The following CDK14 variants were observed in gnomAD, a reference collection of about 807,000 sequenced individuals.
The protein encoded by CDK14 is cyclin dependent kinase 14.
CDK14 carries 34 observed loss-of-function variants against 60.7 expected under a neutral mutation model. The observed-to-expected ratio is 0.56, with a 90% CI of 0.43 to 0.75. The LOEUF (loss-of-function observed/expected upper bound fraction) is 0.75, where lower values mean the gene tolerates loss of function less well. Among genes scored for constraint, CDK14 ranks in the 30% least tolerant of loss-of-function variants. CDK14 has a pLI of 0.00. For synonymous variants in CDK14, 197 were observed against 203.7 expected (o/e 0.97, Z 0.28); for missense variants, 482 against 564.1 (o/e 0.85, Z 1.47).
intron 10 of CDK14, among the ~76,000 whole-genome samples, chr7:90,992,472 A>G (rs802409): frequency 0.45 from 68,786 of 152,058 alleles, 16,203 homozygotes; most frequent in East Asian, 0.71. Context: ...AGTACACAAA[A>G]TAACATTCCT....
intron 2 of CDK14, among the ~76,000 whole-genome samples, chr7:90,706,122 T>C (rs1801890096): frequency 6.6e-6 from 1 of 152,210 alleles, no homozygotes; most frequent in Admixed American, 6.5e-5. Flanking sequence ...TCTTTGAAGC[T>C]ATAATTTTTA....
chr7:90,961,663 G>A (rs1425290871), intron 9 of CDK14, among the ~76,000 whole-genome samples: 2 of 152,204 alleles, frequency 1.3e-5, no homozygotes, highest in Admixed American at 6.5e-5. Flanking sequence ...CTTGAGAACT[G>A]CTCAAATAAT....
intron 2 of CDK14, among the ~76,000 whole-genome samples, chr7:90,649,349 C>T (rs1203979821): frequency 1.7e-4 from 8 of 47,100 alleles, no homozygotes; most frequent in Non-Finnish European, 2.1e-4. Context: ...TCCTTCCTTC[C>T]TTCCTTCCTT....
chr7:90,722,414 C>T (rs1281336958), intron 2 of CDK14, among the ~76,000 whole-genome samples: 1 of 152,040 alleles, frequency 6.6e-6, no homozygotes, highest in East Asian at 1.9e-4. Flanking sequence ...CCACGTTGCC[C>T]AGGTTGGTCT....
At chr7:91,175,405 G>A (rs1375654602) in intron 14 of CDK14, among the ~76,000 whole-genome samples, 1 of 151,380 alleles carries the variant, frequency 6.6e-6, no homozygotes, top group Non-Finnish European at 1.5e-5. Flanking sequence ...ATCAACTAAC[G>A]AGCAAAATAA....
rs374834778 is a variant in CDK14 at position 90,712,727 on chromosome 7, A to G, written c.124-13840A>G. Among the ~76,000 whole-genome samples the G allele has an allele frequency of 7.2e-5, 11 of 152,228 alleles. No individual in the cohort carries two copies. In the East Asian group the frequency reaches 1.5e-3, roughly 21 times the overall value. On this transcript the variant is annotated intron_variant, in intron 2 of 14. Transcript: ENST00000380050. ...TTGAGATGCTAAGATTTTCACATCA[A>G]TTCTTTGCTGATAGCAGCATTCAGC...
intron 5 of CDK14, among the ~76,000 whole-genome samples, chr7:90,804,196 C>G (rs932808160): frequency 6.6e-6 from 1 of 152,182 alleles, no homozygotes; most frequent in African/African-American, 2.4e-5. Context: ...GACTGTGCCC[C>G]TAGCTATGTG....
At chr7:91,088,325 C>T (rs1448304100) in intron 12 of CDK14, among the ~76,000 whole-genome samples, 1 of 152,078 alleles carries the variant, frequency 6.6e-6, no homozygotes, top group African/African-American at 2.4e-5. Context: ...CCCTAAGGCA[C>T]AGATCCCATG....
At chr7:91,194,008 T>C (rs1460507233) in intron 14 of CDK14, among the ~76,000 whole-genome samples, 1 of 152,176 alleles carries the variant, frequency 6.6e-6, no homozygotes, top group Non-Finnish European at 1.5e-5. Flanking sequence ...TATGTCTTAT[T>C]TGAATCGCCA....
chr7:90,725,763 T>A lies in CDK14; in HGVS notation c.124-804T>A, dbSNP rs1373547166. ...CCAGAGTATCGGGAGAATGACAGGC[T>A]TAGAACTAAAGTAAAAAGCAAGGAG... On this transcript the variant is annotated intron_variant, in intron 2 of 14. Transcript: ENST00000380050. Among the ~76,000 whole-genome samples, 5 of 151,954 alleles carry A rather than the reference T, an allele frequency of 3.3e-5. No homozygotes were observed. In the East Asian group the frequency reaches 9.7e-4, roughly 29 times the overall value.
chr7:90,768,154 T>A (rs561936135), intron 4 of CDK14, among the ~76,000 whole-genome samples: 15 of 152,246 alleles, frequency 9.9e-5, no homozygotes, highest in Admixed American at 3.9e-4. Context: ...GTTTAATTAG[T>A]AAGACCTGGA....
chr7:91,107,530 A>G (rs547584334), intron 12 of CDK14: 1 of 152,346 alleles, frequency 6.6e-6, no homozygotes, highest in East Asian at 1.9e-4. Context: ...ATGACTGGTT[A>G]TGTTTTGTAA....
At chr7:90,701,587 ATTAAG>A (rs1428472621) in intron 2 of CDK14, among the ~76,000 whole-genome samples, 2 of 152,286 alleles carry the variant, frequency 1.3e-5, no homozygotes, top group East Asian at 3.9e-4. Context: ...CAAGACATCT[ATTAAG>A]TTATTTATTC....
At chr7:91,010,999 G>A (rs1419506637) in intron 10 of CDK14, among the ~76,000 whole-genome samples, 1 of 151,786 alleles carries the variant, frequency 6.6e-6, no homozygotes, top group East Asian at 1.9e-4. Context: ...AACTACTAAG[G>A]ATGATGTTAG....
chr7:91,144,081 C>T (rs554363362), intron 14 of CDK14, among the ~76,000 whole-genome samples: 1 of 152,202 alleles, frequency 6.6e-6, no homozygotes, highest in Admixed American at 6.5e-5. Flanking sequence ...GCTTTGGCTA[C>T]CTCTAAGGAT....
intron 8 of CDK14, among the ~76,000 whole-genome samples, chr7:90,944,870 AGAG>A (rs946495737): frequency 6.6e-6 from 1 of 152,202 alleles, no homozygotes; most frequent in African/African-American, 2.4e-5. Flanking sequence ...ATCAGAGAAC[AGAG>A]GAACGTTCAT....
At chr7:90,985,969 A>G (rs1429669799) in intron 10 of CDK14, among the ~76,000 whole-genome samples, 1 of 152,108 alleles carries the variant, frequency 6.6e-6, no homozygotes, top group African/African-American at 2.4e-5. Context: ...TGTCAAAATG[A>G]AAAAAAGCTG....
chr7:90,846,532 T>G (rs974488836), intron 5 of CDK14, among the ~76,000 whole-genome samples: 3 of 152,158 alleles, frequency 2.0e-5, no homozygotes. Flanking sequence ...CACATTTCCA[T>G]CACACTAAGC....
chr7:90,856,451 A>G (rs974870468), intron 5 of CDK14, among the ~76,000 whole-genome samples: 2 of 152,170 alleles, frequency 1.3e-5, no homozygotes, highest in African/African-American at 4.8e-5. Context: ...GAGAAGGTCC[A>G]GATTGATCAC....
Sources: allele counts gnomAD v4.1 joint callset (sites outside exome capture counted in the v4.1 genomes callset), GRCh38; gene constraint gnomAD v4.1.1; transcripts MANE v1.5; gene names NCBI Gene and HGNC (gene_info 2026-07-23, HGNC 2026-07-21).